FUT8: variants seen among roughly 807,000 people sequenced by gnomAD.
The protein encoded by FUT8 is fucosyltransferase 8.
In FUT8, 29 loss-of-function variants were observed where a neutral mutation model predicts 71.3. The ratio of observed to expected loss-of-function variants is 0.41; its 90% CI spans 0.30 to 0.55. FUT8 has a LOEUF of 0.55. Ranked by LOEUF, FUT8 falls within the 20% of genes least tolerant of loss-of-function variation. The probability of loss-of-function intolerance (pLI) is 0.34; values close to 1 mark genes in which losing one functional copy is unlikely to be tolerated. For synonymous variants in FUT8, 254 were observed against 239.3 expected (o/e 1.06, Z -0.57); for missense variants, 544 against 702.1 (o/e 0.77, Z 2.55).
the FUT8 span, among the ~76,000 whole-genome samples, chr14:65,372,168 CT>C: frequency 2.0e-3 from 297 of 152,254 alleles, 4 homozygotes; most frequent in East Asian, 0.046. Context: ...ACCTCCTCCC[CT>C]ACACAAATTC....
At chr14:65,365,228 C>T in the FUT8 span, among the ~76,000 whole-genome samples, 1 of 152,170 alleles carries the variant, frequency 6.6e-6, no homozygotes, top group South Asian at 2.1e-4. Context: ...TCATTAAATA[C>T]TCTGCAATGT....
intron 7 of FUT8, among the ~76,000 whole-genome samples, chr14:65,717,831 T>C (rs1057002203): frequency 2.0e-5 from 3 of 152,228 alleles, no homozygotes; most frequent in African/African-American, 7.2e-5. Flanking sequence ...TTTGTCCCTT[T>C]TTATAGTTTT....
At chr14:65,395,027 C>T in the FUT8 span, among the ~76,000 whole-genome samples, 1 of 152,232 alleles carries the variant, frequency 6.6e-6, no homozygotes. Context: ...CAGGCGTGAG[C>T]CACCACGCCC....
At chr14:65,407,669 T>C (rs1272097817), upstream of FUT8, among the ~76,000 whole-genome samples, 5 of 152,196 alleles carry the variant, frequency 3.3e-5, no homozygotes, top group African/African-American at 1.2e-4. Context: ...ATTAAAGATA[T>C]ACAAGATAGA....
At chr14:65,610,458 C>T (rs1036232497) in intron 3 of FUT8, among the ~76,000 whole-genome samples, 1 of 150,560 alleles carries the variant, frequency 6.6e-6, no homozygotes. Flanking sequence ...GGCACAATCT[C>T]GGCTCACCAC....
the FUT8 span, among the ~76,000 whole-genome samples, chr14:65,392,780 A>T: frequency 6.6e-6 from 1 of 152,192 alleles, no homozygotes; most frequent in Non-Finnish European, 1.5e-5. Flanking sequence ...TTCTTCCTCT[A>T]ATCTGAGCAA....
chr14:65,414,274 AT>A (rs3842324), intron 1 of FUT8, among the ~76,000 whole-genome samples: 29 of 150,114 alleles, frequency 1.9e-4, no homozygotes, highest in African/African-American at 2.9e-4. Flanking sequence ...TTCATTATAG[AT>A]TTTTTTTTTC....
At chr14:65,704,820 C>T (rs1894478462) in intron 7 of FUT8, among the ~76,000 whole-genome samples, 1 of 152,188 alleles carries the variant, frequency 6.6e-6, no homozygotes, top group African/African-American at 2.4e-5. Context: ...GTCCTGCCTG[C>T]CTTATCCTGA....
chr14:65,495,962 G>A (rs1328280125), intron 2 of FUT8, among the ~76,000 whole-genome samples: 1 of 152,042 alleles, frequency 6.6e-6, no homozygotes, highest in Non-Finnish European at 1.5e-5. Context: ...GGAAAGTGTA[G>A]TGTTTTAAAA....
chr14:65,409,873 G>C (rs2065104444), upstream of FUT8, among the ~76,000 whole-genome samples: 2 of 152,146 alleles, frequency 1.3e-5, no homozygotes, highest in African/African-American at 4.8e-5. This position sits in a 1 kb window ranked among gnomAD's most constrained non-coding sequence, Gnocchi z 5.4. Flanking sequence ...TTTAACTTTT[G>C]GGATAAGCAA....
intron 7 of FUT8, among the ~76,000 whole-genome samples, chr14:65,717,013 G>C (rs1895112958): frequency 6.8e-6 from 1 of 147,922 alleles, no homozygotes; most frequent in Non-Finnish European, 1.5e-5. Context: ...GCCGGGCAGA[G>C]GCGCTCCACA....
chr14:65,462,842 C>T (rs754739312), intron 2 of FUT8, among the ~76,000 whole-genome samples: 14 of 152,172 alleles, frequency 9.2e-5, no homozygotes, highest in Non-Finnish European at 1.5e-4. Flanking sequence ...GTTTTTAGAT[C>T]TGGACAAAAG....
At chr14:65,398,541 C>T in the FUT8 span, among the ~76,000 whole-genome samples, 2 of 152,036 alleles carry the variant, frequency 1.3e-5, no homozygotes, top group Admixed American at 6.5e-5. Flanking sequence ...CAAGACGATT[C>T]TGGCCAACAT....
rs60967671 is a variant in FUT8 at position 65,643,665 on chromosome 14, T to TACACAC, written c.597+14104_597+14109dup. ...CGAGACTCCGTCTTTAAAAAAAAAATACACACACACACACACACACACACA... is the reference window on the plus strand; with the variant it reads ...CGAGACTCCGTCTTTAAAAAAAAAATACACACACACACACACACACACACACACACA... On this transcript the variant is annotated intron_variant, in intron 6 of 10. Transcript: ENST00000673929. This position sits in a 1 kb window ranked among gnomAD's most constrained non-coding sequence, Gnocchi z 4.5. Among the ~76,000 whole-genome samples, 5,593 of 124,616 alleles carry TACACAC rather than the reference T, an allele frequency of 0.045. 208 individuals are homozygous for TACACAC. The highest frequency in any genetic ancestry group is 0.063 in the East Asian group (239 of 3,822). The allele number at this position is 124,616 out of a possible 152,430, so 81.8% of individuals were successfully genotyped here. A position where few individuals can be genotyped will look rare whatever the true frequency, so the allele number is the denominator to read the frequency against.
chr14:65,374,272 T>C, the FUT8 span, among the ~76,000 whole-genome samples: 367 of 152,368 alleles, frequency 2.4e-3, 2 homozygotes, highest in African/African-American at 8.6e-3. Flanking sequence ...CTGCCATGTT[T>C]CACTGGACAA....
chr14:65,450,023 GT>G (rs1281545868), intron 1 of FUT8, among the ~76,000 whole-genome samples: 3 of 152,114 alleles, frequency 2.0e-5, no homozygotes, highest in African/African-American at 7.2e-5. Flanking sequence ...TGTTAAACAT[GT>G]TTTCCCATGA....
upstream of FUT8, chr14:65,411,362 G>C (rs1371202421): frequency 6.6e-6 from 1 of 152,296 alleles, no homozygotes; most frequent in Non-Finnish European, 1.5e-5. Flanking sequence ...TTTGTTTAAA[G>C]AGCTGACAAT....
chr14:65,524,620 A>T (rs1457284783), intron 2 of FUT8, among the ~76,000 whole-genome samples: 1 of 152,126 alleles, frequency 6.6e-6, no homozygotes, highest in Non-Finnish European at 1.5e-5. Flanking sequence ...GTTAAATAGG[A>T]GTGGTGAGCG....
At chr14:65,682,347 A>T (rs11622271) in intron 7 of FUT8, among the ~76,000 whole-genome samples, 53,632 of 151,728 alleles carry the variant, frequency 0.35, 11,769 homozygotes, top group Non-Finnish European at 0.5. Context: ...TAAAAATAAA[A>T]TTTTTTTTAA....
Sources: allele counts gnomAD v4.1 joint callset (sites outside exome capture counted in the v4.1 genomes callset), GRCh38; gene constraint gnomAD v4.1.1; non-coding constraint Gnocchi (gnomAD v3.1); transcripts MANE v1.5; gene names NCBI Gene and HGNC (gene_info 2026-07-23, HGNC 2026-07-21).